Variants in ZFYVE9 observed in about 807,000 individuals in gnomAD.
ZFYVE9 encodes zinc finger FYVE-type containing 9, also known as zinc finger FYVE domain-containing protein 9.
In ZFYVE9, 43 loss-of-function variants were observed where a neutral mutation model predicts 126.7. The observed-to-expected ratio is 0.34, with a 90% confidence interval of 0.27 to 0.44. ZFYVE9 has a LOEUF of 0.44. Ranked by LOEUF, ZFYVE9 falls within the 20% of genes least tolerant of loss-of-function variation. The pLI is 1.00. For missense variants in ZFYVE9, 1,476 were observed against 1,697.0 expected (o/e 0.87, Z 2.29); for synonymous variants, 521 against 597.4 (o/e 0.87, Z 1.87).
In ZFYVE9 at chr1:52,238,599, T is replaced by C. The variant is rs1461846593; in HGVS notation, c.1182T>C (p.Ser394=). The part of the protein sequence containing the change: ...TEFLNMTEHF[S]ESQDMTNWKL... ...TCCTTAATATGACAGAGCATTTCTC[T>C]GAATCTCAGGACATGACTAATTGGA... Residue 394 remains serine (S), a synonymous_variant, in exon 4 of 19, where the codon TCT becomes TCC. Transcript: ENST00000287727. 22 of 1,613,956 alleles carry C rather than the reference T, an allele frequency of 1.4e-5. 1 individual carries two copies. In the Admixed American group the frequency reaches 3.7e-4, roughly 27 times the overall value.
intron 4 of ZFYVE9, among the ~76,000 whole-genome samples, chr1:52,240,994 T>C (rs1374015930): frequency 6.6e-6 from 1 of 152,184 alleles, no homozygotes; most frequent in Non-Finnish European, 1.5e-5. Flanking sequence ...ACGTCTAATG[T>C]ACTACATGAG....
chr1:52,160,725 T>G (rs1644450404), intron 1 of ZFYVE9: 1 of 410,930 alleles, frequency 2.4e-6, no homozygotes, highest in African/African-American at 2.0e-5. Flanking sequence ...TGATGACATT[T>G]TTCTAAGTTG....
At chr1:52,333,023 C>A (rs1646356732) in intron 14 of ZFYVE9, 105 bp downstream of exon 14, 2 of 1,406,044 alleles carry the variant, frequency 1.4e-6, no homozygotes, top group Non-Finnish European at 1.9e-6. Context: ...TAGGTGACCA[C>A]AAACAAATTA....
At chr1:52,165,927 CTCT>C (rs1644509606) in intron 1 of ZFYVE9, among the ~76,000 whole-genome samples, 1 of 152,150 alleles carries the variant, frequency 6.6e-6, no homozygotes, top group African/African-American at 2.4e-5. Flanking sequence ...TACTTAGCTC[CTCT>C]TCTTTGACTC....
At chr1:52,302,463 GA>G (rs1284198797) in intron 12 of ZFYVE9, among the ~76,000 whole-genome samples, 1 of 152,018 alleles carries the variant, frequency 6.6e-6, no homozygotes, top group African/African-American at 2.4e-5. Context: ...AATATGTCTG[GA>G]AACAGGCTGG....
chr1:52,182,297 T>G (rs1325027546), intron 1 of ZFYVE9, among the ~76,000 whole-genome samples: 1 of 151,922 alleles, frequency 6.6e-6, no homozygotes, highest in African/African-American at 2.4e-5. Context: ...GGCGGTTTTG[T>G]GGAATAGAAA....
At chr1:52,249,121 G>C (rs553546625) in intron 4 of ZFYVE9, among the ~76,000 whole-genome samples, 1 of 152,116 alleles carries the variant, frequency 6.6e-6, no homozygotes, top group Admixed American at 6.6e-5. Context: ...GTTCCACCAC[G>C]GTAAGATGTG....
At chr1:52,272,671 A>ACCTTTTTTTTTTTTTTTTTTTTTTTT (rs1162973754) in intron 7 of ZFYVE9, among the ~76,000 whole-genome samples, 1 of 134,850 alleles carries the variant, frequency 7.4e-6, no homozygotes, top group African/African-American at 3.3e-5. Flanking sequence ...GCTAGAAATA[A>ACCTTTTTTTTTTTTTTTTTTTTTTTT]TCTTTTTTTT....
At chr1:52,295,338 G>A (rs1645962606) in intron 11 of ZFYVE9, among the ~76,000 whole-genome samples, 1 of 135,620 alleles carries the variant, frequency 7.4e-6, no homozygotes, top group South Asian at 2.2e-4. Context: ...AAGACCTTGT[G>A]GGTTTGTTTG....
intron 10 of ZFYVE9, among the ~76,000 whole-genome samples, chr1:52,284,183 A>G (rs1242770584): frequency 6.6e-6 from 1 of 152,204 alleles, no homozygotes; most frequent in Non-Finnish European, 1.5e-5. Flanking sequence ...TGAAATAATG[A>G]CATCAGATGA....
chr1:52,209,124 G>A (rs931368540), intron 1 of ZFYVE9, among the ~76,000 whole-genome samples: 1 of 152,106 alleles, frequency 6.6e-6, no homozygotes, highest in Non-Finnish European at 1.5e-5. Flanking sequence ...GAAAAATCAT[G>A]GATCAGTTCA....
chr1:52,313,557 A>G (rs936826585), intron 13 of ZFYVE9, among the ~76,000 whole-genome samples: 15 of 152,236 alleles, frequency 9.9e-5, no homozygotes, highest in Admixed American at 9.2e-4. Context: ...CTATACGAGG[A>G]AAGCACTGCA....
At chr1:52,225,627 G>A (rs968078484) in intron 2 of ZFYVE9, among the ~76,000 whole-genome samples, 6 of 152,180 alleles carry the variant, frequency 3.9e-5, no homozygotes, top group Admixed American at 3.9e-4. Flanking sequence ...GTAAAAGTGT[G>A]ATTTGTGAAG....
intron 2 of ZFYVE9, among the ~76,000 whole-genome samples, chr1:52,230,158 G>A (rs1184685891): frequency 1.3e-5 from 2 of 152,028 alleles, no homozygotes; most frequent in African/African-American, 4.8e-5. Context: ...GTGAGCCTCC[G>A]CGCCCTGCCT....
At chr1:52,218,937 A>G (rs1001580423) in intron 2 of ZFYVE9, among the ~76,000 whole-genome samples, 2 of 151,970 alleles carry the variant, frequency 1.3e-5, no homozygotes, top group African/African-American at 2.4e-5. Context: ...GGAGGTGGGG[A>G]TAGGAATAGA....
At chr1:52,242,978 A>G (rs969559240) in intron 4 of ZFYVE9, among the ~76,000 whole-genome samples, 1 of 152,226 alleles carries the variant, frequency 6.6e-6, no homozygotes, top group Non-Finnish European at 1.5e-5. Context: ...AGCACTTATC[A>G]TGCAGTATTG....
At chr1:52,265,027 T>C (rs1360419990) in intron 5 of ZFYVE9, among the ~76,000 whole-genome samples, 4 of 152,220 alleles carry the variant, frequency 2.6e-5, no homozygotes, top group Admixed American at 2.6e-4. Flanking sequence ...TAATACCTCT[T>C]TTATTTGATG....
chr1:52,292,007 G>A (rs1463697275), intron 10 of ZFYVE9, among the ~76,000 whole-genome samples: 4 of 150,284 alleles, frequency 2.7e-5, no homozygotes, highest in East Asian at 4.0e-4. Context: ...GTCCAAGCAC[G>A]GTGGCTCGCG....
intron 7 of ZFYVE9, among the ~76,000 whole-genome samples, chr1:52,272,624 GTTTCCAGT>G (rs1645703572): frequency 6.8e-6 from 1 of 146,386 alleles, no homozygotes; most frequent in African/African-American, 2.6e-5. Flanking sequence ...CATTCAAATT[GTTTCCAGT>G]TTTTGGCTAT....
Sources: allele counts gnomAD v4.1 joint callset (sites outside exome capture counted in the v4.1 genomes callset), GRCh38; gene constraint gnomAD v4.1.1; transcripts MANE v1.5; gene names NCBI Gene and HGNC (gene_info 2026-07-23, HGNC 2026-07-21).